Variants in CFAP44 observed in about 807,000 individuals in gnomAD.
CFAP44 encodes the protein cilia- and flagella-associated protein 44.
A neutral mutation model predicts 216.2 loss-of-function variants in CFAP44; 134 were observed. That is an observed-to-expected ratio of 0.62 (90% CI 0.54 to 0.72). The LOEUF (loss-of-function observed/expected upper bound fraction) is 0.72. Ranked by LOEUF, CFAP44 falls within the 30% of genes least tolerant of loss-of-function variation. CFAP44 has a pLI of 0.00. For missense variants in CFAP44, 2,035 were observed against 2,182.1 expected, an observed-to-expected ratio of 0.93 and a Z score of 1.34; for synonymous variants, 700 against 727.6, an observed-to-expected ratio of 0.96 and a Z score of 0.61.
Position 113,335,291 on chromosome 3 carries a change from G to A in CFAP44, c.3438-1708C>T, listed in dbSNP as rs183066007. 6.0e-4 allele frequency among the ~76,000 whole-genome samples: 91 copies of A among 152,256 alleles called. 1 individual carries two copies. In the East Asian group the frequency reaches 8.9e-3, roughly 15 times the overall value. On this transcript the variant is annotated intron_variant, in intron 24 of 34. Transcript: ENST00000393845. ...TGATCCTTATTATCTCCTGGCTGCC[G>A]CAGAGAGGAAATTACCAGCCTGTGG...
intron 28 of CFAP44, among the ~76,000 whole-genome samples, chr3:113,319,278 G>A (rs1324260535): frequency 6.6e-6 from 1 of 152,180 alleles, no homozygotes; most frequent in Non-Finnish European, 1.5e-5. Flanking sequence ...AAGAGCAGGA[G>A]TTGCTATTCT....
rs1934768896 is a variant in CFAP44 at position 113,420,019 on chromosome 3, C to T, written c.568G>A (p.Gly190Arg). ...SSSGEGIGVI[G>R]VHPHKTYFTV... ...TTTCTAATTTATTGAAGGCATACCCCAATGACGCCAATTCCTTCACCACTG... is the reference window on the plus strand; with the variant it reads ...TTTCTAATTTATTGAAGGCATACCCTAATGACGCCAATTCCTTCACCACTG... Residue 190 changes from glycine to arginine, a missense_variant and splice_region_variant, in exon 5 of 35, where the codon GGG becomes AGG. Physicochemically the swap from Gly to Arg is moderately radical, Grantham distance 125. Around this residue, in one of 3 missense-constraint regions of CFAP44, gnomAD observed 1,883 missense variants for 2,023.7 expected, o/e 0.93. Coordinates refer to ENST00000393845, the MANE Select transcript of CFAP44 (RefSeq NM_001164496.2). 6.2e-7 allele frequency: 1 copy of T among 1,612,410 alleles called. No homozygotes were observed. The highest frequency in any genetic ancestry group is 2.2e-5 in the East Asian group (1 of 44,850).
Position 113,433,684 on chromosome 3 carries a change from TG to T in CFAP44, c.-5-16del. 1 of 1,583,864 alleles carries T rather than the reference TG, an allele frequency of 6.3e-7. No individual in the cohort carries two copies. On this transcript the variant is annotated splice_polypyrimidine_tract_variant and intron_variant, in intron 1 of 34. Coordinates refer to ENST00000393845, the MANE Select transcript of CFAP44 (RefSeq NM_001164496.2). Reference sequence around the variant, plus strand: ...CTTCATTTCCTCTGTAAGTACAAAATGGGGATGAGATATGGATAAAGCTGTA... The same window carrying T: ...CTTCATTTCCTCTGTAAGTACAAAATGGGATGAGATATGGATAAAGCTGTA...
intron 22 of CFAP44, among the ~76,000 whole-genome samples, chr3:113,348,189 G>A (rs1238651692): frequency 6.6e-6 from 1 of 152,166 alleles, no homozygotes; most frequent in African/African-American, 2.4e-5. Context: ...ACCATTGCAG[G>A]TTCTTGGGTC....
At chr3:113,394,881 A>G (rs1244733873) in intron 15 of CFAP44, among the ~76,000 whole-genome samples, 1 of 152,258 alleles carries the variant, frequency 6.6e-6, no homozygotes, top group Non-Finnish European at 1.5e-5. Context: ...TCCTTTGTGA[A>G]ACCTTATTAT....
intron 28 of CFAP44, among the ~76,000 whole-genome samples, chr3:113,320,638 T>G (rs1950137636): frequency 6.6e-6 from 1 of 151,520 alleles, no homozygotes; most frequent in South Asian, 2.1e-4. Context: ...TTAAGTCACA[T>G]GATCACAAGG....
At chr3:113,425,826 C>T (rs1934944604) in intron 4 of CFAP44, among the ~76,000 whole-genome samples, 1 of 152,144 alleles carries the variant, frequency 6.6e-6, no homozygotes, top group African/African-American at 2.4e-5. Context: ...AGAATTCAAG[C>T]TTCTTAGAAT....
chr3:113,365,405 G>A (rs894473537), intron 19 of CFAP44, among the ~76,000 whole-genome samples: 6 of 152,076 alleles, frequency 3.9e-5, no homozygotes, highest in Non-Finnish European at 8.8e-5. Flanking sequence ...TTCTCCTTAG[G>A]AGCAATTCTA....
chr3:113,365,875 G>T (rs1459261271), intron 19 of CFAP44, among the ~76,000 whole-genome samples, 164 bp downstream of exon 19: 1 of 151,978 alleles, frequency 6.6e-6, no homozygotes, highest in Non-Finnish European at 1.5e-5. Context: ...TTTAATATTT[G>T]ATATATAAGC....
intron 33 of CFAP44, 54 bp downstream of exon 33, chr3:113,296,671 A>T: frequency 6.6e-7 from 1 of 1,520,024 alleles, no homozygotes; most frequent in Non-Finnish European, 8.8e-7. Flanking sequence ...GCTCCCTGGG[A>T]TTTCTTGCCT....
intron 15 of CFAP44, among the ~76,000 whole-genome samples, chr3:113,391,762 T>C (rs1933845720): frequency 6.6e-6 from 1 of 152,176 alleles, no homozygotes; most frequent in South Asian, 2.1e-4. Flanking sequence ...GAGACATTTC[T>C]GAAAAGAAGG....
At chr3:113,377,224 C>A (rs1048208229) in intron 17 of CFAP44, among the ~76,000 whole-genome samples, 1 of 152,150 alleles carries the variant, frequency 6.6e-6, no homozygotes, top group African/African-American at 2.4e-5. Flanking sequence ...GTAGAATTGG[C>A]CTGCAGTGTG....
intron 19 of CFAP44, among the ~76,000 whole-genome samples, chr3:113,364,476 G>A (rs1204425016): frequency 6.6e-6 from 1 of 152,150 alleles, no homozygotes; most frequent in Non-Finnish European, 1.5e-5. Flanking sequence ...ATAAGAGACA[G>A]TAATGGCTAA....
chr3:113,373,713 A>C (rs1351847508), intron 17 of CFAP44, among the ~76,000 whole-genome samples, 157 bp from the exon 18 acceptor site: 1 of 152,184 alleles, frequency 6.6e-6, no homozygotes, highest in East Asian at 1.9e-4. Context: ...TATTATTTCT[A>C]TAAAGCATCT....
At chr3:113,405,975 G>C (rs1934266031) in intron 8 of CFAP44, among the ~76,000 whole-genome samples, 1 of 152,120 alleles carries the variant, frequency 6.6e-6, no homozygotes, top group Non-Finnish European at 1.5e-5. Flanking sequence ...AGACAACTTG[G>C]TTCCTTAAAT....
Position 113,294,818 on chromosome 3 carries a change from T to C in CFAP44, c.5242A>G (p.Lys1748Glu), listed in dbSNP as rs1949865374. Residue 1748 changes from lysine (K) to glutamate (E), a missense_variant, in exon 34 of 35, where the codon AAG becomes GAG. Lys to Glu is a moderately conservative substitution (Grantham distance 56, BLOSUM62 1). Around this residue, in one of 3 missense-constraint regions of CFAP44, gnomAD observed 1,883 missense variants for 2,023.7 expected, o/e 0.93. Coordinates refer to ENST00000393845, the MANE Select transcript of CFAP44 (RefSeq NM_001164496.2). ...NAKEMKMWEE[K>E]IAQMRWELMM... ...AGTTCCCATCGCATTTGAGCAATCT[T>C]TTCCTACCAGGGTGGGAAGATGCAA... 1 of 1,528,146 alleles carries C rather than the reference T, an allele frequency of 6.5e-7. No individual in the cohort carries two copies. Among genetic ancestry groups the C allele is most frequent in the Non-Finnish European group, 8.7e-7 (1 of 1,144,030 alleles). 94.7% of individuals were successfully genotyped at this position (1,528,146 alleles called of 1,614,324 possible).
intron 32 of CFAP44, among the ~76,000 whole-genome samples, chr3:113,303,626 T>C (rs1021345910): frequency 6.6e-6 from 1 of 152,234 alleles, no homozygotes; most frequent in African/African-American, 2.4e-5. Context: ...GTTTTCTTTC[T>C]TAACCTGGGT....
At chr3:113,325,244 T>C (rs1374425630) in intron 28 of CFAP44, among the ~76,000 whole-genome samples, 4 of 142,002 alleles carry the variant, frequency 2.8e-5, no homozygotes, top group African/African-American at 1.1e-4. Context: ...GAGCTTGCAG[T>C]GAGCCGAGAT....
intron 28 of CFAP44, among the ~76,000 whole-genome samples, chr3:113,325,837 C>T (rs564616031): frequency 1.0e-3 from 156 of 152,286 alleles, no homozygotes; most frequent in African/African-American, 3.6e-3. Flanking sequence ...ATAATCAAGA[C>T]TGTAGTATTG....
Sources: allele counts gnomAD v4.1 joint callset (sites outside exome capture counted in the v4.1 genomes callset), GRCh38; gene constraint gnomAD v4.1.1; regional missense constraint gnomAD v4.1.1; transcripts MANE v1.5; gene names NCBI Gene and HGNC (gene_info 2026-07-23, HGNC 2026-07-21).